Variants in JAM2 observed in about 807,000 individuals in gnomAD.
The protein encoded by JAM2 is junctional adhesion molecule 2, also known as junctional adhesion molecule B.
JAM2 carries 17 observed loss-of-function variants against 42.0 expected under a neutral mutation model. The observed-to-expected ratio is 0.40, with a 90% CI of 0.28 to 0.61. The LOEUF (loss-of-function observed/expected upper bound fraction) is 0.61, where lower values mean the gene tolerates loss of function less well. Among genes scored for constraint, JAM2 ranks in the 20% least tolerant of loss-of-function variants. JAM2 has a pLI of 0.37. For missense variants in JAM2, 319 were observed against 358.3 expected (o/e 0.89, Z 0.89); for synonymous variants, 118 against 128.6 (o/e 0.92, Z 0.56).
intron 1 of JAM2, 85 bp from the exon 2 acceptor site, chr21:25,683,797 GT>G: frequency 1.1e-6 from 1 of 943,762 alleles, no homozygotes; most frequent in East Asian, 2.7e-5. Flanking sequence ...CTTTAGGACA[GT>G]TTTCTTGACT....
At chr21:25,711,099 G>A (rs2034374115) in intron 8 of JAM2, among the ~76,000 whole-genome samples, 1 of 152,240 alleles carries the variant, frequency 6.6e-6, no homozygotes, top group Non-Finnish European at 1.5e-5. Context: ...TACCATTTAC[G>A]GAAGTGTGGA....
At chr21:25,678,708 T>A (rs1005506337) in intron 1 of JAM2, among the ~76,000 whole-genome samples, 3 of 152,224 alleles carry the variant, frequency 2.0e-5, no homozygotes, top group Non-Finnish European at 2.9e-5. Flanking sequence ...AGTTTCCCTA[T>A]TGAATATGTT....
intron 4 of JAM2, among the ~76,000 whole-genome samples, chr21:25,696,326 G>C (rs1359006601): frequency 1.3e-5 from 2 of 152,156 alleles, no homozygotes; most frequent in African/African-American, 4.8e-5. Flanking sequence ...GCAGTGAGCC[G>C]AGATGGCAGC....
At chr21:25,672,217 T>G (rs1601016753) in intron 1 of JAM2, among the ~76,000 whole-genome samples, 1 of 152,144 alleles carries the variant, frequency 6.6e-6, no homozygotes, top group African/African-American at 2.4e-5. Context: ...CCCAAGTAAC[T>G]GGGATTACAG....
At chr21:25,703,448 G>A (rs977284797) in intron 6 of JAM2, among the ~76,000 whole-genome samples, 3 of 152,094 alleles carry the variant, frequency 2.0e-5, no homozygotes, top group African/African-American at 4.8e-5. Context: ...TTTGTTTAAC[G>A]GTCATCCATT....
chr21:25,656,190 AAAG>A (rs2032935376), intron 1 of JAM2, among the ~76,000 whole-genome samples: 2 of 152,334 alleles, frequency 1.3e-5, no homozygotes, highest in Admixed American at 6.5e-5. Context: ...GAATATAAAA[AAAG>A]AGTTGATTAA....
At position 25,698,670 on chromosome 21, in the gene JAM2, T is replaced by G. The variant is rs979559062; in HGVS notation, c.395-7T>G. ...ATAATCAATATCATTTGACTTCCATTGTTCAGTGGCTCCAGCAGTTCCATC... is the reference window on the plus strand; with the variant it reads ...ATAATCAATATCATTTGACTTCCATGGTTCAGTGGCTCCAGCAGTTCCATC... On this transcript the variant is annotated splice_region_variant and splice_polypyrimidine_tract_variant and intron_variant, in intron 4 of 9. Coordinates refer to ENST00000480456, the MANE Select transcript of JAM2 (RefSeq NM_021219.4). 6.2e-7 allele frequency: 1 copy of G among 1,611,708 alleles called. No homozygotes were observed. The highest frequency in any genetic ancestry group is 1.3e-5 in the African/African-American group (1 of 74,870).
intron 5 of JAM2, among the ~76,000 whole-genome samples, chr21:25,699,207 T>C (rs989225286): frequency 6.6e-6 from 1 of 152,246 alleles, no homozygotes; most frequent in Non-Finnish European, 1.5e-5. Flanking sequence ...GATAATCCTA[T>C]AAATGATACC....
chr21:25,696,376 TG>T (rs1375618790), intron 4 of JAM2, among the ~76,000 whole-genome samples: 2 of 151,248 alleles, frequency 1.3e-5, no homozygotes, highest in African/African-American at 4.9e-5. Context: ...AGGGAGACCG[TG>T]GGGAGACGGA....
intron 8 of JAM2, among the ~76,000 whole-genome samples, chr21:25,710,336 T>G (rs1045274346): frequency 2.8e-4 from 42 of 152,284 alleles, no homozygotes; most frequent in African/African-American, 9.1e-4. Flanking sequence ...CACAAAACTC[T>G]GCCTTATGGA....
chr21:25,698,674 C>A lies in JAM2; in HGVS notation c.395-3C>A. On this transcript the variant is annotated splice_region_variant and splice_polypyrimidine_tract_variant and intron_variant, in intron 4 of 9. Transcript: ENST00000480456. ...TCAATATCATTTGACTTCCATTGTT[C>A]AGTGGCTCCAGCAGTTCCATCATGT... The A allele has an allele frequency of 1.2e-6, 2 of 1,612,188 alleles. No individual in the cohort carries two copies. Among genetic ancestry groups the A allele is most frequent in the South Asian group, 2.2e-5 (2 of 90,860 alleles).
In JAM2 at chr21:25,659,233, A is replaced by G. The variant is rs574984271; in HGVS notation, c.67+19345A>G. Among the ~76,000 whole-genome samples the G allele has an allele frequency of 2.7e-4, 40 of 148,660 alleles. No homozygotes were observed. In the South Asian group the frequency reaches 8.3e-3, roughly 31 times the overall value. The stretch of plus-strand genomic sequence containing the variant: ...AGATCATTTAAAATGAAAATAGAAA[A>G]CATCCTCATAATTTTCTAGCCTTTT... On this transcript the variant is annotated intron_variant, in intron 1 of 9. Coordinates refer to ENST00000480456, the MANE Select transcript of JAM2 (RefSeq NM_021219.4).
chr21:25,694,775 G>C (rs1025239408), intron 4 of JAM2, among the ~76,000 whole-genome samples: 9 of 151,928 alleles, frequency 5.9e-5, no homozygotes, highest in African/African-American at 2.2e-4. Context: ...AGGAGTTCAA[G>C]GCTGCAATGA....
In JAM2 at chr21:25,715,503, G is replaced by A. The variant is rs1399922909; in HGVS notation, c.*831G>A. 1 of 152,198 alleles carries A rather than the reference G, an allele frequency of 6.6e-6. No homozygotes were observed. Among genetic ancestry groups the A allele is most frequent in the Non-Finnish European group, 1.5e-5 (1 of 68,042 alleles). The allele number at this position is 152,198 out of a possible 1,614,324, so 9.4% of individuals were successfully genotyped here. On this transcript the variant is annotated 3_prime_UTR_variant, in exon 10 of 10. Coordinates refer to ENST00000480456, the MANE Select transcript of JAM2 (RefSeq NM_021219.4). The stretch of plus-strand genomic sequence containing the variant: ...AGTTTGCAGATACCTTTCCCTGCAG[G>A]AGTGGTGACTTCACATCTTTCTGTC...
intron 1 of JAM2, among the ~76,000 whole-genome samples, chr21:25,669,190 C>A (rs771935559): frequency 6.6e-6 from 1 of 151,850 alleles, no homozygotes; most frequent in African/African-American, 2.4e-5. Context: ...TTGGGCAACA[C>A]GGTGAAACCC....
chr21:25,670,241 T>C (rs1254070454), intron 1 of JAM2, among the ~76,000 whole-genome samples: 1 of 152,124 alleles, frequency 6.6e-6, no homozygotes, highest in Non-Finnish European at 1.5e-5. Flanking sequence ...CCCAGCACTT[T>C]GGGAGGCCGA....
intron 1 of JAM2, among the ~76,000 whole-genome samples, chr21:25,674,775 T>C (rs183361705): frequency 2.6e-4 from 40 of 151,572 alleles, no homozygotes; most frequent in African/African-American, 9.4e-4. Flanking sequence ...CCCTACTCTC[T>C]AAATCTAGTA....
chr21:25,694,831 TTCTC>T (rs1384008919), intron 4 of JAM2, among the ~76,000 whole-genome samples: 1 of 137,390 alleles, frequency 7.3e-6, no homozygotes, highest in Non-Finnish European at 1.6e-5. Context: ...CAGCAGGACT[TTCTC>T]AAAAAAAAAA....
At chr21:25,713,557 T>TG (rs2034423933) in intron 9 of JAM2, among the ~76,000 whole-genome samples, 2 of 38,890 alleles carry the variant, frequency 5.1e-5, no homozygotes, top group Non-Finnish European at 9.6e-5. Context: ...CAGTAGAGTC[T>TG]GGGGGGTGGG....
Sources: allele counts gnomAD v4.1 joint callset (sites outside exome capture counted in the v4.1 genomes callset), GRCh38; gene constraint gnomAD v4.1.1; transcripts MANE v1.5; gene names NCBI Gene and HGNC (gene_info 2026-07-23, HGNC 2026-07-21).